The following SLC17A1 variants were observed in gnomAD, a reference collection of about 807,000 sequenced individuals.
SLC17A1 encodes solute carrier family 17 member 1.
Under a neutral mutation model 53.5 loss-of-function variants are expected in SLC17A1, and 51 were observed. The ratio of observed to expected loss-of-function variants is 0.95; its 90% CI spans 0.76 to 1.20. The LOEUF (loss-of-function observed/expected upper bound fraction) is 1.20, where lower values mean the gene tolerates loss of function less well. Ranked by LOEUF, SLC17A1 falls within the 50% of genes most tolerant of loss-of-function variation. The pLI is 0.00. For synonymous variants in SLC17A1, 179 were observed against 198.8 expected (o/e 0.90, Z 0.84); for missense variants, 538 against 568.2 (o/e 0.95, Z 0.54).
rs1764451552 is a variant in SLC17A1 at position 25,818,949 on chromosome 6, A to G, written c.616+119T>C. 4 of 649,322 alleles carry G rather than the reference A, an allele frequency of 6.2e-6. No homozygotes were observed. The South Asian group carries it at 7.6e-5, about 12-fold the overall frequency. The allele number at this position is 649,322 out of a possible 1,614,324, so 40.2% of individuals were successfully genotyped here. ...GAGTATTGACTTCTCTCTTTCACTCAGTGGAGTTCATGATTTTTAATATTA... is the reference window on the plus strand; with the variant it reads ...GAGTATTGACTTCTCTCTTTCACTCGGTGGAGTTCATGATTTTTAATATTA... On this transcript the variant is annotated intron_variant, in intron 6 of 12. Coordinates refer to ENST00000244527, the MANE Select transcript of SLC17A1 (RefSeq NM_005074.5).
chr6:25,831,016 A>G (rs776832055), intron 1 of SLC17A1, among the ~76,000 whole-genome samples: 1 of 152,224 alleles, frequency 6.6e-6, no homozygotes, highest in Non-Finnish European at 1.5e-5. Context: ...AATGTCAGAA[A>G]AGGAGTAAGC....
At chr6:25,809,413 A>G (rs1323416976) in intron 10 of SLC17A1, among the ~76,000 whole-genome samples, 3 of 152,072 alleles carry the variant, frequency 2.0e-5, no homozygotes, top group African/African-American at 4.8e-5. Context: ...ACTTTTAGCA[A>G]CGCTTTTGAG....
chr6:25,725,763 G>C, the SLC17A1 span, among the ~76,000 whole-genome samples: 29 of 152,180 alleles, frequency 1.9e-4, no homozygotes, highest in Non-Finnish European at 3.7e-4. Flanking sequence ...ACCAGACCCA[G>C]CTAGTTTCTG....
chr6:25,769,189 T>C, the SLC17A1 span: 1 of 1,613,368 alleles, frequency 6.2e-7, no homozygotes, highest in Non-Finnish European at 8.5e-7. Flanking sequence ...TTTAAAGCAA[T>C]GGTAAGTTTA....
the SLC17A1 span, among the ~76,000 whole-genome samples, chr6:25,727,911 G>A: frequency 6.6e-6 from 1 of 151,942 alleles, no homozygotes; most frequent in Non-Finnish European, 1.5e-5. Context: ...CAGCTAATTG[G>A]GAGGCTGAGG....
At chr6:25,785,953 C>T (rs995457323) in intron 12 of SLC17A1, among the ~76,000 whole-genome samples, 3 of 152,132 alleles carry the variant, frequency 2.0e-5, no homozygotes, top group Non-Finnish European at 2.9e-5. Flanking sequence ...ACCACATGAC[C>T]AGCAACTCCA....
At chr6:25,736,450 G>A in the SLC17A1 span, among the ~76,000 whole-genome samples, 54,214 of 151,948 alleles carry the variant, frequency 0.36, 10,455 homozygotes, top group Middle Eastern at 0.49. Flanking sequence ...TGTGCCAGAA[G>A]GGATAAGAAT....
In SLC17A1 at chr6:25,826,577, C is replaced by T; in HGVS notation, c.91G>A (p.Val31Ile). The change falls in exon 3 of 13, where the codon GTT becomes ATT. Residue 31 changes from valine (V) to isoleucine (I), a missense_variant. Val to Ile is a conservative substitution (Grantham distance 29). Coordinates refer to ENST00000244527, the MANE Select transcript of SLC17A1 (RefSeq NM_005074.5). ...GLSFLVHCCN[V>I]IITAQRACLN... ...CACGCACGCTGTGCTGTTATTATAA[C>T]ATTACAACAGTGCACAAGGAAAGAC... is the stretch of plus-strand genomic sequence containing the variant. 1 of 1,608,900 alleles carries T rather than the reference C, an allele frequency of 6.2e-7. No individual in the cohort carries two copies. The highest frequency in any genetic ancestry group is 8.5e-7 in the Non-Finnish European group (1 of 1,176,994).
At chr6:25,790,193 C>T (rs767513613) in intron 12 of SLC17A1, among the ~76,000 whole-genome samples, 1 of 152,114 alleles carries the variant, frequency 6.6e-6, no homozygotes, top group African/African-American at 2.4e-5. Flanking sequence ...ATAATGTTAA[C>T]AATACTCCAT....
At chr6:25,826,680 A>T (rs905113924) in intron 2 of SLC17A1, 47 bp from the exon 3 acceptor site, 9 of 1,425,016 alleles carry the variant, frequency 6.3e-6, no homozygotes, top group Non-Finnish European at 8.4e-6. Flanking sequence ...AGCTGAGATA[A>T]AAACATACTT....
the SLC17A1 span, chr6:25,726,976 C>G: frequency 6.2e-7 from 1 of 1,614,110 alleles, no homozygotes; most frequent in Non-Finnish European, 8.5e-7. Flanking sequence ...GTCGTTAAGA[C>G]CCAGAAAAAG....
chr6:25,820,629 C>T (rs533960729), intron 3 of SLC17A1, among the ~76,000 whole-genome samples: 1 of 151,980 alleles, frequency 6.6e-6, no homozygotes, highest in Non-Finnish European at 1.5e-5. Context: ...GCCTGTAATC[C>T]CAGCACTTTG....
intron 12 of SLC17A1, among the ~76,000 whole-genome samples, chr6:25,784,454 AC>A (rs1763335720): frequency 6.6e-6 from 1 of 152,172 alleles, no homozygotes; most frequent in Admixed American, 6.5e-5. Flanking sequence ...CCAGTGCATC[AC>A]ATGGTGAGAG....
chr6:25,770,942 C>T, the SLC17A1 span: 1 of 1,613,862 alleles, frequency 6.2e-7, no homozygotes, highest in African/African-American at 1.3e-5. Flanking sequence ...TGCTGGGGTC[C>T]TTCATTGTTC....
chr6:25,743,190 A>G, the SLC17A1 span, among the ~76,000 whole-genome samples: 2 of 152,152 alleles, frequency 1.3e-5, no homozygotes, highest in African/African-American at 2.4e-5. Flanking sequence ...TTTTTTTTGT[A>G]AAAAGGAGTA....
the SLC17A1 span, among the ~76,000 whole-genome samples, chr6:25,744,060 G>A: frequency 2.6e-5 from 4 of 152,182 alleles, no homozygotes; most frequent in African/African-American, 9.7e-5. Context: ...GCACTAGGGT[G>A]TGGCCAGCCA....
chr6:25,766,113 A>C, the SLC17A1 span, among the ~76,000 whole-genome samples: 2 of 150,652 alleles, frequency 1.3e-5, no homozygotes, highest in African/African-American at 4.8e-5. Context: ...AACTTATTAA[A>C]ATTTAATATT....
intron 12 of SLC17A1, among the ~76,000 whole-genome samples, chr6:25,785,821 A>C (rs945666219): frequency 2.6e-5 from 4 of 152,212 alleles, no homozygotes; most frequent in African/African-American, 9.6e-5. Flanking sequence ...AAAAAAAAGA[A>C]ACATAACAAG....
intron 3 of SLC17A1, among the ~76,000 whole-genome samples, chr6:25,823,214 A>C (rs1458445254): frequency 1.3e-5 from 2 of 152,122 alleles, no homozygotes; most frequent in Non-Finnish European, 2.9e-5. Context: ...ACTGATGGAC[A>C]TATAGGTTAT....
Sources: allele counts gnomAD v4.1 joint callset (sites outside exome capture counted in the v4.1 genomes callset), GRCh38; gene constraint gnomAD v4.1.1; transcripts MANE v1.5; gene names NCBI Gene and HGNC (gene_info 2026-07-23, HGNC 2026-07-21).